The following TACR3 variants were observed in gnomAD, a reference collection of about 807,000 sequenced individuals.
TACR3 encodes the protein neuromedin-K receptor.
Under a neutral mutation model 35.0 loss-of-function variants are expected in TACR3, and 34 were observed. The observed-to-expected ratio is 0.97, with a 90% CI of 0.74 to 1.30. The LOEUF (loss-of-function observed/expected upper bound fraction) is 1.30, where lower values mean the gene tolerates loss of function less well. TACR3 is among the 50% of genes most tolerant of loss of function. The pLI is 0.00. For synonymous variants in TACR3, 233 were observed against 221.1 expected (o/e 1.05, Z -0.48); for missense variants, 558 against 591.7 (o/e 0.94, Z 0.59).
chr4:103,599,431 T>C (rs1407463947), intron 3 of TACR3, among the ~76,000 whole-genome samples: 9 of 152,320 alleles, frequency 5.9e-5, no homozygotes, highest in South Asian at 2.1e-4. Flanking sequence ...CTTTTCCTAA[T>C]TGAATACCCT....
intron 1 of TACR3, among the ~76,000 whole-genome samples, chr4:103,685,953 A>C (rs1445233759): frequency 1.3e-5 from 2 of 152,270 alleles, no homozygotes; most frequent in Non-Finnish European, 2.9e-5. Flanking sequence ...GACTTTGTTT[A>C]GTGAAAAGAA....
chr4:103,651,164 C>A (rs899228547), intron 3 of TACR3, among the ~76,000 whole-genome samples: 5 of 150,450 alleles, frequency 3.3e-5, no homozygotes, highest in South Asian at 2.1e-4. Flanking sequence ...CCAGGTAGAT[C>A]CAGAGGTGTT....
At chr4:103,594,271 G>A (rs950138476) in intron 3 of TACR3, among the ~76,000 whole-genome samples, 2 of 151,354 alleles carry the variant, frequency 1.3e-5, no homozygotes, top group South Asian at 2.1e-4. Flanking sequence ...TCTGCCTCCC[G>A]GGTTCAAGTA....
rs564202132 is a variant in TACR3 at position 103,691,744 on chromosome 4, T to C, written c.548+27384A>G. Among the ~76,000 whole-genome samples the C allele has an allele frequency of 8.1e-3, 1,233 of 152,276 alleles. 18 individuals are homozygous for C. The highest frequency in any genetic ancestry group is 0.028 in the African/African-American group (1,180 of 41,572). The stretch of plus-strand genomic sequence containing the variant: ...ACCCGGCCTGCCCAGGGCGGAAAAC[T>C]GCTTAAAGGCATTCTTAAGCCACAA... On this transcript the variant is annotated intron_variant, in intron 1 of 4. Coordinates refer to ENST00000304883, the MANE Select transcript of TACR3 (RefSeq NM_001059.3).
Position 103,719,772 on chromosome 4 carries a change from T to C in TACR3, c.-97A>G. ...CTTCTCTGCCTCCTGGTCACTTTGG[T>C]GCCGGAGTCTTCAGATAAGACTGGA... On this transcript the variant is annotated 5_prime_UTR_variant, in exon 1 of 5. Transcript: ENST00000304883. The C allele has an allele frequency of 6.7e-7, 1 of 1,487,210 alleles. No individual in the cohort carries two copies. Among genetic ancestry groups the C allele is most frequent in the Non-Finnish European group, 9.2e-7 (1 of 1,092,308 alleles). The allele number at this position is 1,487,210 out of a possible 1,614,324, so 92.1% of individuals were successfully genotyped here.
At chr4:103,674,527 T>G (rs937346485) in intron 1 of TACR3, among the ~76,000 whole-genome samples, 2 of 152,154 alleles carry the variant, frequency 1.3e-5, no homozygotes, top group African/African-American at 4.8e-5. Flanking sequence ...ATTCAACTGA[T>G]GAGGACAAGT....
At chr4:103,639,430 A>G (rs572146201) in intron 3 of TACR3, among the ~76,000 whole-genome samples, 9 of 151,690 alleles carry the variant, frequency 5.9e-5, no homozygotes, top group South Asian at 4.2e-4. Flanking sequence ...ATCACACACC[A>G]GGGACTGTTG....
rs1723154627 is a variant in TACR3, at chr4:103,719,214, G to T, written c.462C>A (p.Gly154=). The T allele has an allele frequency of 6.2e-7, 1 of 1,614,154 alleles. No individual in the cohort carries two copies. The highest frequency in any genetic ancestry group is 8.5e-7 in the Non-Finnish European group (1 of 1,180,030). The change falls in exon 1 of 5, where the codon GGC becomes GGA. Residue 154 remains glycine, a synonymous_variant. Transcript: ENST00000304883. ...IYALHSEWYF[G]ANYCRFQNFF... Reference sequence around the variant, plus strand: ...AGTTCTGGAAGCGGCAGTAGTTGGCGCCAAAGTACCACTCGCTATGAAGCG... The same window carrying T: ...AGTTCTGGAAGCGGCAGTAGTTGGCTCCAAAGTACCACTCGCTATGAAGCG...
At position 103,591,697 on chromosome 4, in the gene TACR3, A is replaced by G. The variant is rs1256596184; in HGVS notation, c.889-14T>C. The G allele has an allele frequency of 7.5e-6, 12 of 1,603,414 alleles. No individual in the cohort carries two copies. In the South Asian group the frequency reaches 1.3e-4, roughly 18 times the overall value. On this transcript the variant is annotated splice_polypyrimidine_tract_variant and intron_variant, in intron 3 of 4. Transcript: ENST00000304883. The stretch of plus-strand genomic sequence containing the variant: ...CATTTTGACAACCTATAAAGAAAAA[A>G]AGTCATTTTTGACAAATATAATACT...
Position 103,609,846 on chromosome 4 carries a change from T to C in TACR3, c.889-18163A>G, listed in dbSNP as rs72945336. ...ACTCACTTCTTCTATAAGGTAAACT[T>C]TGTTAGATTCTACATATGACTGAAA... On this transcript the variant is annotated intron_variant, in intron 3 of 4. Coordinates refer to ENST00000304883, the MANE Select transcript of TACR3 (RefSeq NM_001059.3). 3.2e-3 allele frequency among the ~76,000 whole-genome samples: 488 copies of C among 152,224 alleles called. 4 individuals carry two copies. Among genetic ancestry groups the C allele is most frequent in the African/African-American group, 0.011 (462 of 41,572 alleles).
chr4:103,595,412 G>C (rs1012048072), intron 3 of TACR3, among the ~76,000 whole-genome samples: 1 of 152,114 alleles, frequency 6.6e-6, no homozygotes, highest in Admixed American at 6.6e-5. Context: ...CCCTTACAAA[G>C]TTACATTGCC....
Position 103,627,925 on chromosome 4 carries a change from C to G in TACR3, c.888+28269G>C, listed in dbSNP as rs145276886. Among the ~76,000 whole-genome samples, 365 of 152,268 alleles carry G rather than the reference C, an allele frequency of 2.4e-3. 1 individual carries two copies. The highest frequency in any genetic ancestry group is 8.4e-3 in the African/African-American group (347 of 41,552). On this transcript the variant is annotated intron_variant, in intron 3 of 4. Coordinates refer to ENST00000304883, the MANE Select transcript of TACR3 (RefSeq NM_001059.3). Reference sequence around the variant, plus strand: ...GCACTCCTCAGCAAACGTAAAAGAACAGAAATCACAACAAACTGTCTCTCA... The same window carrying G: ...GCACTCCTCAGCAAACGTAAAAGAAGAGAAATCACAACAAACTGTCTCTCA...
At position 103,719,514 on chromosome 4, in the gene TACR3, G is replaced by A. The variant is rs202102475; in HGVS notation, c.162C>T (p.Ser54=). The change falls in exon 1 of 5, where the codon TCC becomes TCT. Residue 54 remains serine (S), a synonymous_variant. Transcript: ENST00000304883. ...LLDQAGNLSS[S]PSALGLPVAS... Reference sequence around the variant, plus strand: ...CCACAGGCAGTCCCAGCGCGGAAGGGGAGGAGGAGAGGTTGCCAGCTTGGT... The same window carrying A: ...CCACAGGCAGTCCCAGCGCGGAAGGAGAGGAGGAGAGGTTGCCAGCTTGGT... The A allele has an allele frequency of 6.2e-7, 1 of 1,610,058 alleles. No homozygotes were observed. The highest frequency in any genetic ancestry group is 1.7e-5 in the Admixed American group (1 of 59,930).
intron 3 of TACR3, among the ~76,000 whole-genome samples, chr4:103,646,425 C>T (rs1218570306): frequency 6.6e-6 from 1 of 151,884 alleles, no homozygotes; most frequent in Non-Finnish European, 1.5e-5. Context: ...TATATAGACA[C>T]CACTTCTTTA....
rs573509617 is a variant in TACR3, at chr4:103,701,487, T to C, written c.548+17641A>G. Among the ~76,000 whole-genome samples, 894 of 152,206 alleles carry C rather than the reference T, an allele frequency of 5.9e-3. 6 individuals carry two copies. The highest frequency in any genetic ancestry group is 0.021 in the African/African-American group (854 of 41,498). On this transcript the variant is annotated intron_variant, in intron 1 of 4. Coordinates refer to ENST00000304883, the MANE Select transcript of TACR3 (RefSeq NM_001059.3). The stretch of plus-strand genomic sequence containing the variant: ...TGGCCATACTGCCCAAGGTAATTTA[T>C]AGATTCAATGCCATCCCCATCAAGC...
At chr4:103,706,826 A>G (rs958378871) in intron 1 of TACR3, among the ~76,000 whole-genome samples, 2 of 152,204 alleles carry the variant, frequency 1.3e-5, no homozygotes. Context: ...AGGATCAGCA[A>G]CTGGGGACTG....
intron 3 of TACR3, among the ~76,000 whole-genome samples, chr4:103,597,374 T>C (rs1355271405): frequency 1.3e-5 from 2 of 152,148 alleles, no homozygotes; most frequent in Non-Finnish European, 2.9e-5. Context: ...TTCTAAATGC[T>C]TGGAATAAAA....
chr4:103,686,373 C>T (rs1223357771), intron 1 of TACR3, among the ~76,000 whole-genome samples: 2 of 152,108 alleles, frequency 1.3e-5, no homozygotes, highest in Admixed American at 1.3e-4. Context: ...TGAACAACCA[C>T]TAACTAAGCT....
intron 1 of TACR3, among the ~76,000 whole-genome samples, chr4:103,716,215 T>TTG (rs56790385): frequency 0.052 from 7,410 of 143,224 alleles, 190 homozygotes; most frequent in African/African-American, 0.08. Flanking sequence ...TAATTTTATC[T>TTG]TGTGTGTGTG....
Sources: allele counts gnomAD v4.1 joint callset (sites outside exome capture counted in the v4.1 genomes callset), GRCh38; gene constraint gnomAD v4.1.1; transcripts MANE v1.5; gene names NCBI Gene and HGNC (gene_info 2026-07-23, HGNC 2026-07-21).